MME: variants seen among roughly 807,000 people sequenced by gnomAD.
MME encodes the protein neprilysin.
MME carries 98 observed loss-of-function variants against 113.2 expected under a neutral mutation model. That is an observed-to-expected ratio of 0.87 (90% confidence interval 0.74 to 1.02). The LOEUF is 1.02. Ranked by LOEUF, MME falls within the 50% of genes least tolerant of loss-of-function variation. The probability of loss-of-function intolerance (pLI) is 0.00; values close to 1 mark genes in which losing one functional copy is unlikely to be tolerated. For missense variants in MME, 836 were observed against 896.0 expected (o/e 0.93, Z 0.86); for synonymous variants, 292 against 300.6 (o/e 0.97, Z 0.30).
chr3:155,156,645 C>T (rs575766730), intron 16 of MME, among the ~76,000 whole-genome samples: 3 of 152,146 alleles, frequency 2.0e-5, no homozygotes, highest in South Asian at 2.1e-4. Context: ...CAGAAAACTT[C>T]GAAGTCTTGA....
intron 3 of MME, among the ~76,000 whole-genome samples, chr3:155,108,790 C>G (rs9832950): frequency 6.6e-6 from 1 of 151,870 alleles, no homozygotes. Flanking sequence ...GAAAACAAGC[C>G]TCCAGGGAAT....
At chr3:155,173,331 G>C (rs1712187532) in intron 22 of MME, among the ~76,000 whole-genome samples, 1 of 115,098 alleles carries the variant, frequency 8.7e-6, no homozygotes, top group South Asian at 2.7e-4. Context: ...AGGCAAGAAA[G>C]TTAAAAAAAA....
At chr3:155,099,357 T>C (rs1717008630) in intron 3 of MME, among the ~76,000 whole-genome samples, 2 of 152,188 alleles carry the variant, frequency 1.3e-5, no homozygotes, top group Non-Finnish European at 1.5e-5. Flanking sequence ...TAAAACAATA[T>C]GTTCTGTTTA....
intron 16 of MME, among the ~76,000 whole-genome samples, chr3:155,157,398 A>G (rs1334621934): frequency 6.6e-6 from 1 of 152,026 alleles, no homozygotes; most frequent in African/African-American, 2.4e-5. Flanking sequence ...AGGTATCTTC[A>G]GGTAACCTAC....
Position 155,142,243 on chromosome 3 carries a change from T to G in MME, c.1101T>G (p.Leu367=). Residue 367 remains leucine (L), a synonymous_variant, in exon 12 of 23, where the codon CTT becomes CTG. Transcript: ENST00000360490. ...GGTGGTTTTTTTTATACAGAGATCT[T>G]CAAAATTTAATGTCCTGGAGATTCA... ...PILTKYSARD[L]QNLMSWRFIM... is the part of the protein sequence containing the mutation. 6.2e-7 allele frequency: 1 copy of G among 1,613,540 alleles called. No homozygotes were observed. Among genetic ancestry groups the G allele is most frequent in the Non-Finnish European group, 8.5e-7 (1 of 1,179,620 alleles).
intron 8 of MME, among the ~76,000 whole-genome samples, chr3:155,130,492 A>G (rs1218998069): frequency 1.3e-5 from 2 of 152,210 alleles, no homozygotes; most frequent in Non-Finnish European, 2.9e-5. Context: ...AAAGAAGTGT[A>G]GAGCCTTCAC....
chr3:155,112,851 C>A (rs1473824624), intron 3 of MME: 2 of 152,124 alleles, frequency 1.3e-5, no homozygotes, highest in African/African-American at 4.8e-5. Context: ...TAATTGCACC[C>A]CTGTTACCTA....
chr3:155,138,409 A>T (rs1439857921), intron 9 of MME, among the ~76,000 whole-genome samples, 173 bp downstream of exon 9: 1 of 152,162 alleles, frequency 6.6e-6, no homozygotes, highest in African/African-American at 2.4e-5. Flanking sequence ...AAAGAATTTT[A>T]TAGTAAACTG....
chr3:155,147,876 G>A (rs1326132045), intron 15 of MME, among the ~76,000 whole-genome samples: 1 of 152,078 alleles, frequency 6.6e-6, no homozygotes, highest in Non-Finnish European at 1.5e-5. Context: ...TCTAGCATGG[G>A]GATTTGCAAA....
At chr3:155,059,433 C>G (rs1714063287) in intron 1 of MME, among the ~76,000 whole-genome samples, 1 of 152,018 alleles carries the variant, frequency 6.6e-6, no homozygotes, top group Non-Finnish European at 1.5e-5. Context: ...ATTTATTCCA[C>G]AAATACTTAC....
intron 2 of MME, among the ~76,000 whole-genome samples, 186 bp from the exon 3 acceptor site, chr3:155,084,873 T>A (rs560838615): frequency 6.6e-6 from 1 of 152,338 alleles, no homozygotes; most frequent in African/African-American, 2.4e-5. Context: ...ATTTTAAATT[T>A]AGATTTTACT....
At chr3:155,093,001 A>G (rs567458563) in intron 3 of MME, among the ~76,000 whole-genome samples, 1 of 152,214 alleles carries the variant, frequency 6.6e-6, no homozygotes, top group South Asian at 2.1e-4. Context: ...AAATTTACCA[A>G]AAATTAATCG....
At chr3:155,139,325 G>T (rs1393470388) in intron 9 of MME, among the ~76,000 whole-genome samples, 2 of 152,084 alleles carry the variant, frequency 1.3e-5, no homozygotes, top group Non-Finnish European at 2.9e-5. Flanking sequence ...TCTTGTATTA[G>T]ATTGGCATGA....
intron 3 of MME, among the ~76,000 whole-genome samples, chr3:155,114,101 T>A: frequency 6.6e-6 from 1 of 152,224 alleles, no homozygotes; most frequent in Admixed American, 6.5e-5. Context: ...TGAGAGCTTA[T>A]ATTCTCTTGA....
chr3:155,175,194 T>C (rs1712399947), intron 22 of MME, among the ~76,000 whole-genome samples: 1 of 152,072 alleles, frequency 6.6e-6, no homozygotes, highest in African/African-American at 2.4e-5. Flanking sequence ...TGTTTATTAA[T>C]TTAGTCTGTG....
At chr3:155,049,210 T>C (rs1713669506) in intron 1 of MME, among the ~76,000 whole-genome samples, 1 of 152,144 alleles carries the variant, frequency 6.6e-6, no homozygotes, top group Non-Finnish European at 1.5e-5. Context: ...TATTTAGAAA[T>C]AGTCTTTCCA....
chr3:155,036,268 C>T (rs1363678813), intron 1 of MME, among the ~76,000 whole-genome samples: 2 of 152,090 alleles, frequency 1.3e-5, no homozygotes, highest in South Asian at 2.1e-4. Flanking sequence ...AAATCAACTT[C>T]GTTAGATATA....
chr3:155,163,097 C>A (rs187359725), intron 17 of MME, among the ~76,000 whole-genome samples: 64 of 150,732 alleles, frequency 4.2e-4, no homozygotes, highest in African/African-American at 1.5e-3. Context: ...ATGTCTTCTG[C>A]AACACTGTCT....
At chr3:155,143,148 T>C (rs946615644) in intron 12 of MME, among the ~76,000 whole-genome samples, 1 of 152,176 alleles carries the variant, frequency 6.6e-6, no homozygotes, top group Admixed American at 6.6e-5. Flanking sequence ...ACATTTATGT[T>C]TGTGCAGTGG....
Sources: gnomAD v4.1 joint callset for allele counts (sites outside exome capture counted in the v4.1 genomes callset) on GRCh38, gnomAD v4.1.1 for gene constraint, MANE v1.5 for transcripts, NCBI Gene and HGNC (gene_info 2026-07-23, HGNC 2026-07-21) for gene names.